The following CNTNAP4 variants were observed in gnomAD, a reference collection of about 807,000 sequenced individuals.
CNTNAP4 encodes the protein contactin-associated protein-like 4.
A neutral mutation model predicts 148.4 loss-of-function variants in CNTNAP4; 98 were observed. That is an observed-to-expected ratio of 0.66 (90% CI 0.56 to 0.78). CNTNAP4 has a LOEUF of 0.78. Ranked by LOEUF, CNTNAP4 falls within the 30% of genes least tolerant of loss-of-function variation. The pLI, the probability that CNTNAP4 is intolerant of heterozygous loss-of-function variation, is 0.00. For synonymous variants in CNTNAP4, 730 were observed against 565.1 expected, an observed-to-expected ratio of 1.29 and a Z score of -4.14; for missense variants, 1,935 against 1,565.6, an observed-to-expected ratio of 1.24 and a Z score of -3.98.
At chr16:76,474,118 A>G (rs752801951) in intron 10 of CNTNAP4, among the ~76,000 whole-genome samples, 2 of 152,146 alleles carry the variant, frequency 1.3e-5, no homozygotes, top group Non-Finnish European at 2.9e-5. Flanking sequence ...TTTCCTTACA[A>G]CTGGCTAACA....
chr16:76,539,597 G>T, intron 19 of CNTNAP4, 122 bp from the exon 20 acceptor site: 1 of 776,390 alleles, frequency 1.3e-6, no homozygotes. Flanking sequence ...ATTATAAAAA[G>T]GTATCTTCCA....
intron 3 of CNTNAP4, among the ~76,000 whole-genome samples, chr16:76,361,440 A>T (rs1236652813): frequency 1.3e-5 from 2 of 152,146 alleles, no homozygotes; most frequent in African/African-American, 4.8e-5. Flanking sequence ...ACTTAGCGTT[A>T]TGTCGTCAAA....
chr16:76,551,273 C>A (rs138182996), intron 21 of CNTNAP4, among the ~76,000 whole-genome samples: 1 of 151,824 alleles, frequency 6.6e-6, no homozygotes, highest in African/African-American at 2.4e-5. Flanking sequence ...TTTAGCCAGG[C>A]GTCAATCCCA....
At position 76,479,481 on chromosome 16, in the gene CNTNAP4, A is replaced by T; in HGVS notation, c.1825A>T (p.Ile609Leu). ...AGGAAATACTTCAGGGTTTTACTAT[A>T]TAGATTCAGATGGAAGTGGTCCCCT... ...HRGNTSGFYYIDSDGSGPLEP... is the reference protein window; with the variant it reads ...HRGNTSGFYYLDSDGSGPLEP... The change falls in exon 12 of 24, where the codon ATA becomes TTA. Residue 609 changes from isoleucine (I) to leucine (L), a missense_variant. Ile to Leu is a conservative substitution (Grantham distance 5). Coordinates refer to ENST00000611870, the MANE Select transcript of CNTNAP4 (RefSeq NM_033401.5). 6 of 1,611,184 alleles carry T rather than the reference A, an allele frequency of 3.7e-6. No homozygotes were observed. Among genetic ancestry groups the T allele is most frequent in the Non-Finnish European group, 5.1e-6 (6 of 1,178,660 alleles).
At chr16:76,350,489 T>G (rs1362005467) in intron 2 of CNTNAP4, among the ~76,000 whole-genome samples, 1 of 152,190 alleles carries the variant, frequency 6.6e-6, no homozygotes, top group Non-Finnish European at 1.5e-5. Context: ...TTTCTTACAA[T>G]TCATAGCAAC....
chr16:76,314,241 C>T (rs1377551163), intron 1 of CNTNAP4, among the ~76,000 whole-genome samples: 3 of 152,140 alleles, frequency 2.0e-5, no homozygotes, highest in Non-Finnish European at 4.4e-5. Context: ...GCCACTATTA[C>T]CACAAAGGGA....
At position 76,494,980 on chromosome 16, in the gene CNTNAP4, T is replaced by G; in HGVS notation, c.2151T>G (p.Pro717=). Residue 717 remains proline (P), a synonymous_variant, in exon 14 of 24, where the codon CCT becomes CCG. Coordinates refer to ENST00000611870, the MANE Select transcript of CNTNAP4 (RefSeq NM_033401.5). ...AAACCTACTGGGGAGGTTCTTCGCC[T>G]GATCTTCAAAAATGTACTTGTGGAT... ...ETQTYWGGSS[P]DLQKCTCGLE... The G allele has an allele frequency of 3.7e-6, 6 of 1,613,650 alleles. No individual in the cohort carries two copies. Among genetic ancestry groups the G allele is most frequent in the Non-Finnish European group, 5.1e-6 (6 of 1,179,634 alleles).
rs144955551 is a variant in CNTNAP4 at position 76,313,348 on chromosome 16, T to A, written c.86-3065T>A. 4.4e-3 allele frequency among the ~76,000 whole-genome samples: 665 copies of A among 152,290 alleles called. 4 individuals are homozygous for A. The highest frequency in any genetic ancestry group is 6.3e-3 in the Non-Finnish European group (427 of 68,012). ...TACACCTGCATGCTGAAAATGATTTTAAAAATTCCTAGTTCTAGTAAACAC... is the reference window on the plus strand; with the variant it reads ...TACACCTGCATGCTGAAAATGATTTAAAAAATTCCTAGTTCTAGTAAACAC... On this transcript the variant is annotated intron_variant, in intron 1 of 23. Coordinates refer to ENST00000611870, the MANE Select transcript of CNTNAP4 (RefSeq NM_033401.5).
chr16:76,360,756 C>T (rs2013315887), intron 3 of CNTNAP4, among the ~76,000 whole-genome samples: 1 of 151,874 alleles, frequency 6.6e-6, no homozygotes. Context: ...TATTTAGCTC[C>T]ACATTCTCTA....
At chr16:76,448,578 G>A (rs985430287) in intron 5 of CNTNAP4, among the ~76,000 whole-genome samples, 189 bp from the exon 6 acceptor site, 3 of 152,062 alleles carry the variant, frequency 2.0e-5, no homozygotes, top group South Asian at 2.1e-4. Context: ...AATTAACAAC[G>A]GAGGAAATTA....
chr16:76,278,446 G>A (rs1597058719), intron 1 of CNTNAP4, among the ~76,000 whole-genome samples: 2 of 152,302 alleles, frequency 1.3e-5, no homozygotes, highest in East Asian at 1.9e-4. Context: ...ATTTGTAATT[G>A]AATGTTCTGA....
intron 2 of CNTNAP4, among the ~76,000 whole-genome samples, chr16:76,348,585 C>T (rs538722041): frequency 2.0e-5 from 3 of 152,222 alleles, no homozygotes; most frequent in African/African-American, 7.2e-5. Flanking sequence ...AGAGAAGGTG[C>T]TTTTGTGGAA....
intron 1 of CNTNAP4, among the ~76,000 whole-genome samples, chr16:76,308,553 G>A (rs1247382580): frequency 6.6e-6 from 1 of 152,136 alleles, no homozygotes; most frequent in Non-Finnish European, 1.5e-5. Flanking sequence ...TCAGTCCTTC[G>A]GGCTGTGTTC....
At chr16:76,454,295 A>C (rs1457026952) in intron 8 of CNTNAP4, among the ~76,000 whole-genome samples, 1 of 151,848 alleles carries the variant, frequency 6.6e-6, no homozygotes, top group African/African-American at 2.4e-5. Flanking sequence ...GGTATTTTTT[A>C]GTTGAGACAG....
At chr16:76,544,004 A>G (rs148122838) in intron 21 of CNTNAP4, among the ~76,000 whole-genome samples, 386 of 152,310 alleles carry the variant, frequency 2.5e-3, no homozygotes, top group African/African-American at 9.1e-3. Context: ...TAGACGTTAC[A>G]TCTGCCCTTA....
intron 2 of CNTNAP4, among the ~76,000 whole-genome samples, chr16:76,342,465 CTTTTTTTTTTTT>C (rs397854943): frequency 1.1e-5 from 1 of 91,490 alleles, no homozygotes; most frequent in African/African-American, 5.1e-5. Context: ...TTGCTAATTT[CTTTTTTTTTTTT>C]TTTTTTTTTT....
At chr16:76,455,749 G>A (rs2080704042) in intron 8 of CNTNAP4, among the ~76,000 whole-genome samples, 1 of 152,152 alleles carries the variant, frequency 6.6e-6, no homozygotes, top group Admixed American at 6.5e-5. Flanking sequence ...GAATGGCCTA[G>A]GTATAATTGC....
chr16:76,521,449 T>C lies in CNTNAP4; in HGVS notation c.2536+139T>C, dbSNP rs372874702. The C allele has an allele frequency of 1.3e-4, 80 of 601,798 alleles. 3 individuals carry two copies. Among genetic ancestry groups the C allele is most frequent in the East Asian group, 9.8e-4 (33 of 33,722 alleles). 37.3% of individuals were successfully genotyped at this position (601,798 alleles called of 1,614,324 possible). A position where few individuals can be genotyped will look rare whatever the true frequency, so the allele number is the denominator to read the frequency against. On this transcript the variant is annotated intron_variant, in intron 16 of 23. Coordinates refer to ENST00000611870, the MANE Select transcript of CNTNAP4 (RefSeq NM_033401.5). The stretch of plus-strand genomic sequence containing the variant: ...GCCCCTTTGAAAAACTCAATAATAT[T>C]AACTTATCCTGTTTGTAAGAAAATA...
At chr16:76,412,310 C>T (rs1187824938) in intron 3 of CNTNAP4, among the ~76,000 whole-genome samples, 3 of 151,360 alleles carry the variant, frequency 2.0e-5, no homozygotes, top group Non-Finnish European at 4.4e-5. Context: ...TATTCACGTA[C>T]ATACATGTCT....
Sources: allele counts gnomAD v4.1 joint callset (sites outside exome capture counted in the v4.1 genomes callset), GRCh38; gene constraint gnomAD v4.1.1; transcripts MANE v1.5; gene names NCBI Gene and HGNC (gene_info 2026-07-23, HGNC 2026-07-21).